The following DPP10 variants were observed in gnomAD, a reference collection of about 807,000 sequenced individuals.
DPP10 encodes the protein inactive dipeptidyl peptidase 10.
In DPP10, 33 loss-of-function variants were observed where a neutral mutation model predicts 120.9. The ratio of observed to expected loss-of-function variants is 0.27; its 90% CI spans 0.21 to 0.37. The LOEUF is 0.37. DPP10 is among the 10% of genes least tolerant of loss of function. DPP10 has a pLI of 1.00. For missense variants in DPP10, 816 were observed against 942.8 expected, an observed-to-expected ratio of 0.87 and a Z score of 1.76; for synonymous variants, 337 against 326.1, an observed-to-expected ratio of 1.03 and a Z score of -0.36.
At chr2:115,468,369 A>G (rs2074465324) in intron 3 of DPP10, 2 of 508,884 alleles carry the variant, frequency 3.9e-6, no homozygotes, top group Non-Finnish European at 7.8e-6. Flanking sequence ...CACTCTTGGG[A>G]TGTTCACTAA....
chr2:115,416,379 C>A (rs2069433512), intron 3 of DPP10, among the ~76,000 whole-genome samples: 1 of 152,098 alleles, frequency 6.6e-6, no homozygotes, highest in South Asian at 2.1e-4. Flanking sequence ...GGTTTGATTC[C>A]TCTTTCAAGT....
intron 1 of DPP10, among the ~76,000 whole-genome samples, chr2:114,446,600 A>C (rs925603952): frequency 1.3e-5 from 2 of 152,262 alleles, no homozygotes; most frequent in Non-Finnish European, 2.9e-5. Context: ...CATTTAGAAA[A>C]GAGTCTCAAG....
intron 1 of DPP10, among the ~76,000 whole-genome samples, chr2:114,978,616 C>G (rs1316256221): frequency 6.6e-6 from 1 of 152,094 alleles, no homozygotes; most frequent in Non-Finnish European, 1.5e-5. Context: ...CCATTCCTTT[C>G]AATTGTTACC....
chr2:115,819,523 C>CT (rs778117688), intron 21 of DPP10, among the ~76,000 whole-genome samples: 5 of 152,042 alleles, frequency 3.3e-5, no homozygotes, highest in Admixed American at 6.6e-5. Context: ...CTCCATCCCT[C>CT]TTTTTTTTGT....
intron 7 of DPP10, among the ~76,000 whole-genome samples, chr2:115,690,915 T>C (rs1252656127): frequency 1.3e-5 from 2 of 152,174 alleles, no homozygotes; most frequent in African/African-American, 2.4e-5. Flanking sequence ...TCCATATCCT[T>C]GCCAACACCT....
In DPP10 at chr2:115,211,545, A is replaced by G. The variant is rs779582390; in HGVS notation, c.61-97694A>G. ...TTTGCTCTTTTGCCTATTGAATTGT[A>G]TTATTGCTGACATCAAAACTCTCCT... On this transcript the variant is annotated intron_variant, in intron 1 of 25. Coordinates refer to ENST00000410059, the MANE Select transcript of DPP10 (RefSeq NM_020868.6). Among the ~76,000 whole-genome samples the G allele has an allele frequency of 8.2e-4, 125 of 152,152 alleles. 1 individual carries two copies. Among genetic ancestry groups the G allele is most frequent in the Admixed American group, 3.3e-4 (5 of 15,260 alleles).
intron 2 of DPP10, among the ~76,000 whole-genome samples, chr2:115,324,456 T>C (rs1351245542): frequency 2.0e-5 from 3 of 152,124 alleles, no homozygotes; most frequent in African/African-American, 7.2e-5. Flanking sequence ...ATTATGGAAA[T>C]AGGGTCTTTC....
intron 1 of DPP10, among the ~76,000 whole-genome samples, chr2:115,200,116 A>C (rs971634410): frequency 6.6e-6 from 1 of 152,114 alleles, no homozygotes; most frequent in Non-Finnish European, 1.5e-5. Context: ...GTTCCCCCAC[A>C]CTTCATCTAG....
At chr2:114,760,757 A>G (rs1680210675) in intron 1 of DPP10, among the ~76,000 whole-genome samples, 1 of 152,132 alleles carries the variant, frequency 6.6e-6, no homozygotes. Context: ...TATATCATTA[A>G]GATGAGTGAA....
At chr2:115,381,343 G>C (rs756069217) in intron 3 of DPP10, among the ~76,000 whole-genome samples, 1 of 151,862 alleles carries the variant, frequency 6.6e-6, no homozygotes, top group Admixed American at 6.6e-5. Flanking sequence ...AGTTGATCGC[G>C]TCGGCTCCTG....
intron 19 of DPP10, among the ~76,000 whole-genome samples, chr2:115,806,990 T>C (rs1383229977): frequency 1.3e-5 from 2 of 152,172 alleles, no homozygotes; most frequent in Non-Finnish European, 2.9e-5. Flanking sequence ...TTATAAAATG[T>C]GCTAAGCTTT....
intron 3 of DPP10, among the ~76,000 whole-genome samples, chr2:115,448,884 A>G (rs1471117135): frequency 1.3e-5 from 2 of 151,994 alleles, no homozygotes; most frequent in African/African-American, 2.4e-5. Flanking sequence ...AGGTTTTACT[A>G]TTTTTCTGTC....
chr2:114,546,550 A>G (rs928002928), intron 1 of DPP10, among the ~76,000 whole-genome samples: 2 of 152,226 alleles, frequency 1.3e-5, no homozygotes, highest in Admixed American at 6.5e-5. Context: ...TCGCTGGTCA[A>G]TCTCCTTACA....
intron 8 of DPP10, among the ~76,000 whole-genome samples, chr2:115,731,089 G>A (rs1306086041): frequency 6.6e-6 from 1 of 152,090 alleles, no homozygotes; most frequent in African/African-American, 2.4e-5. Context: ...GCTGGGTGTG[G>A]TGGCTCATAC....
intron 3 of DPP10, among the ~76,000 whole-genome samples, chr2:115,376,517 C>T (rs1398798663): frequency 5.2e-4 from 78 of 150,244 alleles, no homozygotes; most frequent in Non-Finnish European, 1.9e-4. Flanking sequence ...CTTGTTGATT[C>T]TAATAGTCCC....
chr2:115,678,601 A>C (rs1211545530), intron 5 of DPP10, among the ~76,000 whole-genome samples: 1 of 152,182 alleles, frequency 6.6e-6, no homozygotes, highest in Admixed American at 6.5e-5. Context: ...AGGGCAATGC[A>C]GAAGGAAAAT....
intron 1 of DPP10, among the ~76,000 whole-genome samples, chr2:114,648,505 C>T (rs1418780765): frequency 6.6e-6 from 1 of 152,150 alleles, no homozygotes; most frequent in East Asian, 1.9e-4. Flanking sequence ...CTAAATTACC[C>T]ACTAAATGTG....
chr2:115,234,164 A>G (rs1443472195), intron 1 of DPP10, among the ~76,000 whole-genome samples: 1 of 152,228 alleles, frequency 6.6e-6, no homozygotes, highest in Admixed American at 6.5e-5. Flanking sequence ...ACACTTAGAA[A>G]TAATTTTTGC....
At chr2:114,762,619 T>C (rs1680380397) in intron 1 of DPP10, among the ~76,000 whole-genome samples, 1 of 152,192 alleles carries the variant, frequency 6.6e-6, no homozygotes, top group Admixed American at 6.5e-5. Context: ...TTAAAATAGC[T>C]ATGAGTTTCC....
Sources: allele counts gnomAD v4.1 joint callset (sites outside exome capture counted in the v4.1 genomes callset), GRCh38; gene constraint gnomAD v4.1.1; transcripts MANE v1.5; gene names NCBI Gene and HGNC (gene_info 2026-07-23, HGNC 2026-07-21).